The following NPAS2 variants were observed in gnomAD, a reference collection of about 807,000 sequenced individuals.
NPAS2 encodes the protein neuronal PAS domain-containing protein 2.
A neutral mutation model predicts 107.5 loss-of-function variants in NPAS2; 23 were observed. The ratio of observed to expected loss-of-function variants is 0.21; its 90% confidence interval spans 0.15 to 0.30. NPAS2 has a LOEUF of 0.30. Ranked by LOEUF, NPAS2 falls within the 10% of genes least tolerant of loss-of-function variation. NPAS2 has a pLI of 1.00. For missense variants in NPAS2, 756 were observed against 1,043.3 expected (o/e 0.72, Z 3.79); for synonymous variants, 403 against 417.5 (o/e 0.97, Z 0.42).
At chr2:100,940,592 G>A (rs1489151764) in intron 5 of NPAS2, among the ~76,000 whole-genome samples, 1 of 152,180 alleles carries the variant, frequency 6.6e-6, no homozygotes, top group East Asian at 1.9e-4. Flanking sequence ...AACCGTGCCT[G>A]GCCCAGAGCG....
intron 1 of NPAS2, among the ~76,000 whole-genome samples, chr2:100,888,064 C>T (rs138155174): frequency 4.9e-4 from 74 of 152,292 alleles, no homozygotes; most frequent in African/African-American, 1.7e-3. Flanking sequence ...GGGCCCAGCA[C>T]CCAGGATGGC....
rs779235435 is a variant in NPAS2, at chr2:100,990,414, C to G, written c.1986C>G (p.Pro662=). 6.2e-7 allele frequency: 1 copy of G among 1,614,232 alleles called. No individual in the cohort carries two copies. Among genetic ancestry groups the G allele is most frequent in the Middle Eastern group, 1.6e-4 (1 of 6,062 alleles). ...CCCAGGATGCCAGCCAGTGCCAGCCCAGCCCAGACTTCAGCCATGATCGGC... is the reference window on the plus strand; with the variant it reads ...CCCAGGATGCCAGCCAGTGCCAGCCGAGCCCAGACTTCAGCCATGATCGGC... The part of the protein sequence containing the change: ...STSQDASQCQ[P]SPDFSHDRQL... Residue 662 remains proline (P), a synonymous_variant, in exon 18 of 21, where the codon CCC becomes CCG. Transcript: ENST00000335681.
chr2:100,911,065 C>CAA (rs1682516932), intron 2 of NPAS2, among the ~76,000 whole-genome samples: 1 of 152,176 alleles, frequency 6.6e-6, no homozygotes, highest in Non-Finnish European at 1.5e-5. Flanking sequence ...GAAATGCCCC[C>CAA]AAAATAATTG....
rs150516718 is a variant in NPAS2 at position 100,864,055 on chromosome 2, A to T, written c.-22-40678A>T. On this transcript the variant is annotated intron_variant, in intron 1 of 20. Transcript: ENST00000335681. ...TGTGAAAGCATTATGCCGAGATGTC[A>T]TGAAGATGGGATGTGTAGTGAGCTA... Among the ~76,000 whole-genome samples the T allele has an allele frequency of 3.9e-5, 6 of 152,372 alleles. No individual in the cohort carries two copies. The East Asian group carries it at 1.2e-3, about 29-fold the overall frequency.
At chr2:100,843,466 T>A (rs1677576238) in intron 1 of NPAS2, among the ~76,000 whole-genome samples, 1 of 152,104 alleles carries the variant, frequency 6.6e-6, no homozygotes, top group Non-Finnish European at 1.5e-5. Flanking sequence ...AAATAGGGAA[T>A]CAGAACCTCC....
At position 100,843,936 on chromosome 2, in the gene NPAS2, C is replaced by T. The variant is rs115017105; in HGVS notation, c.-23+23522C>T. 5.1e-3 allele frequency among the ~76,000 whole-genome samples: 779 copies of T among 152,214 alleles called. 2 individuals are homozygous for T. Among genetic ancestry groups the T allele is most frequent in the Non-Finnish European group, 8.3e-3 (564 of 68,018 alleles). On this transcript the variant is annotated intron_variant, in intron 1 of 20. Coordinates refer to ENST00000335681, the MANE Select transcript of NPAS2 (RefSeq NM_002518.4). ...AAGGAATTCCAGCACCCATGTCCTC[C>T]GTTTGCTCAGAAGGAGACAGAAATG...
chr2:100,901,769 C>T (rs1342458213), intron 1 of NPAS2, among the ~76,000 whole-genome samples: 1 of 152,128 alleles, frequency 6.6e-6, no homozygotes, highest in Non-Finnish European at 1.5e-5. Context: ...CAGGTAACCA[C>T]ACTGTCCCTC....
In NPAS2 at chr2:100,975,492, C is replaced by T. The variant is rs747065779; in HGVS notation, c.1317C>T (p.Thr439=). The change falls in exon 14 of 21, where the codon ACC becomes ACT. Residue 439 remains threonine, a synonymous_variant. Coordinates refer to ENST00000335681, the MANE Select transcript of NPAS2 (RefSeq NM_002518.4). ...TPTKLMAEAS[T]PALPRSATLP... The stretch of plus-strand genomic sequence containing the variant: ...CCAAGCTGATGGCAGAGGCCAGCAC[C>T]CCGGCTTTGCCAAGATCAGCCACCC... The T allele has an allele frequency of 6.2e-6, 10 of 1,613,400 alleles. No individual in the cohort carries two copies. The highest frequency in any genetic ancestry group is 1.6e-4 in the Middle Eastern group (1 of 6,080).
chr2:100,849,963 A>G (rs569192502), intron 1 of NPAS2, among the ~76,000 whole-genome samples: 2 of 147,106 alleles, frequency 1.4e-5, no homozygotes, highest in African/African-American at 5.0e-5. Context: ...ACTTTACCCT[A>G]TATAGCCAAC....
chr2:100,861,800 C>T (rs909079513), intron 1 of NPAS2, among the ~76,000 whole-genome samples: 2 of 152,128 alleles, frequency 1.3e-5, no homozygotes, highest in East Asian at 3.9e-4. Context: ...GATATGAAAG[C>T]CTTTGGGCAT....
intron 1 of NPAS2, among the ~76,000 whole-genome samples, chr2:100,859,785 C>T (rs1378134087): frequency 6.6e-6 from 1 of 152,142 alleles, no homozygotes; most frequent in African/African-American, 2.4e-5. Context: ...TTGGTGTTAA[C>T]TTTTTATTTA....
At chr2:100,952,451 C>T (rs1279949899) in intron 7 of NPAS2, among the ~76,000 whole-genome samples, 5 of 152,034 alleles carry the variant, frequency 3.3e-5, no homozygotes, top group African/African-American at 1.2e-4. Context: ...GTAATCCCAG[C>T]TACTCGGGAG....
At chr2:100,926,570 C>T (rs1177776998) in intron 3 of NPAS2, among the ~76,000 whole-genome samples, 3 of 152,106 alleles carry the variant, frequency 2.0e-5, no homozygotes, top group Non-Finnish European at 2.9e-5. Flanking sequence ...TTTTCATGTA[C>T]TTATTGGCTA....
At chr2:100,979,723 T>C (rs1394711789) in intron 15 of NPAS2, among the ~76,000 whole-genome samples, 1 of 151,710 alleles carries the variant, frequency 6.6e-6, no homozygotes, top group Non-Finnish European at 1.5e-5. Flanking sequence ...GGAGACGGGG[T>C]TTCGCTGTGT....
At chr2:100,970,306 A>G (rs1391094172) in intron 11 of NPAS2, among the ~76,000 whole-genome samples, 1 of 152,196 alleles carries the variant, frequency 6.6e-6, no homozygotes, top group African/African-American at 2.4e-5. Context: ...AAATCCTTGG[A>G]AGAAACTCTC....
chr2:100,949,823 A>G (rs1041136300), intron 7 of NPAS2, among the ~76,000 whole-genome samples: 3 of 152,170 alleles, frequency 2.0e-5, no homozygotes, highest in African/African-American at 7.2e-5. Context: ...TGGTGACTTG[A>G]TGATCCATAA....
intron 1 of NPAS2, among the ~76,000 whole-genome samples, chr2:100,879,065 A>T (rs10164638): frequency 0.03 from 4,546 of 151,690 alleles, 114 homozygotes; most frequent in African/African-American, 0.057. Context: ...GTGAGCGGAG[A>T]TCGCACCACT....
chr2:100,925,991 T>C (rs1387970287), intron 3 of NPAS2, among the ~76,000 whole-genome samples: 1 of 152,168 alleles, frequency 6.6e-6, no homozygotes, highest in African/African-American at 2.4e-5. Context: ...GTTTTCTGTC[T>C]CCATCAATTC....
At chr2:100,867,363 A>G (rs188816775) in intron 1 of NPAS2, among the ~76,000 whole-genome samples, 3 of 152,314 alleles carry the variant, frequency 2.0e-5, no homozygotes, top group Non-Finnish European at 4.4e-5. Flanking sequence ...TATTAGGTGC[A>G]TGTAAGTTTA....
Sources: gnomAD v4.1 joint callset for allele counts (sites outside exome capture counted in the v4.1 genomes callset) on GRCh38, gnomAD v4.1.1 for gene constraint, MANE v1.5 for transcripts, NCBI Gene and HGNC (gene_info 2026-07-23, HGNC 2026-07-21) for gene names.